DNAAF4: variants seen among roughly 807,000 people sequenced by gnomAD.
DNAAF4 encodes dynein assembly factor 4, axonemal.
Under a neutral mutation model 51.8 loss-of-function variants are expected in DNAAF4, and 43 were observed. The observed-to-expected ratio is 0.83, with a 90% confidence interval of 0.65 to 1.07. DNAAF4 has a LOEUF of 1.07. Among genes scored for constraint, DNAAF4 ranks in the 50% least tolerant of loss-of-function variants. The pLI, the probability that DNAAF4 is intolerant of heterozygous loss-of-function variation, is 0.00. For missense variants in DNAAF4, 581 were observed against 493.0 expected, an observed-to-expected ratio of 1.18 and a Z score of -1.69; for synonymous variants, 194 against 165.6, an observed-to-expected ratio of 1.17 and a Z score of -1.32.
rs1322589012 is a variant in DNAAF4, at chr15:55,473,317, ATG to A, written c.406-6158_406-6157del. On this transcript the variant is annotated intron_variant, in intron 4 of 9. Coordinates refer to ENST00000321149, the MANE Select transcript of DNAAF4 (RefSeq NM_130810.4). ...TATGTGTATATATATGTGTGTATAT[ATG>A]TGTGTATATATATGTGTGTATATAT... 1.4e-4 allele frequency among the ~76,000 whole-genome samples: 19 copies of A among 140,212 alleles called. 1 individual carries two copies. The South Asian group carries it at 1.6e-3, about 12-fold the overall frequency. The allele number at this position is 140,212 out of a possible 152,430, so 92.0% of individuals were successfully genotyped here. A position where few individuals can be genotyped will look rare whatever the true frequency, so the allele number is the denominator to read the frequency against.
At chr15:55,469,474 CTTTTT>C (rs1162485238) in intron 4 of DNAAF4, among the ~76,000 whole-genome samples, 5 of 66,254 alleles carry the variant, frequency 7.5e-5, no homozygotes, top group Non-Finnish European at 1.0e-4. Context: ...CTTACCAATT[CTTTTT>C]TTTTTTTTTT....
chr15:55,495,277 G>C (rs1038597994), intron 3 of DNAAF4: 3 of 149,266 alleles, frequency 2.0e-5, no homozygotes, highest in African/African-American at 4.9e-5. Flanking sequence ...AGTATTCTCT[G>C]AGCTGAATAC....
intron 8 of DNAAF4, among the ~76,000 whole-genome samples, chr15:55,433,892 A>T (rs2057547634): frequency 4.8e-5 from 1 of 20,750 alleles, no homozygotes; most frequent in Non-Finnish European, 9.2e-5. Context: ...TATTATATAT[A>T]TATTATATAT....
At chr15:55,450,757 C>T (rs964360828) in intron 5 of DNAAF4, among the ~76,000 whole-genome samples, 5 of 152,134 alleles carry the variant, frequency 3.3e-5, no homozygotes, top group African/African-American at 1.2e-4. Context: ...CTCCTATATG[C>T]TTTCTTATAA....
chr15:55,451,074 C>T (rs1567012142), intron 5 of DNAAF4, among the ~76,000 whole-genome samples: 1 of 152,104 alleles, frequency 6.6e-6, no homozygotes, highest in African/African-American at 2.4e-5. Flanking sequence ...CCAGCCTGGG[C>T]AACAGAGTGA....
intron 5 of DNAAF4, among the ~76,000 whole-genome samples, chr15:55,452,617 C>A (rs1024891684): frequency 5.9e-5 from 9 of 152,056 alleles, no homozygotes; most frequent in African/African-American, 1.9e-4. Context: ...ACTTTTACTA[C>A]AAAGTTTTAC....
In DNAAF4 at chr15:55,497,764, G is replaced by A; in HGVS notation, c.219C>T (p.Phe73=). The change falls in exon 3 of 10, where the codon TTC becomes TTT. Residue 73 remains phenylalanine, a synonymous_variant. Coordinates refer to ENST00000321149, the MANE Select transcript of DNAAF4 (RefSeq NM_130810.4). The part of the protein sequence containing the change: ...KAKIGNDTIV[F]TLYKKEAAMW... ...TGGCCGCTTCTTTTTTATACAAGGT[G>A]AAGACAATGGTGTCATTCCCAATCT... The A allele has an allele frequency of 6.2e-7, 1 of 1,613,532 alleles. No individual in the cohort carries two copies. Among genetic ancestry groups the A allele is most frequent in the Non-Finnish European group, 8.5e-7 (1 of 1,179,710 alleles).
chr15:55,483,833 CTTTTTTTTTTTTTTTTTTTTTTT>C (rs71105887), intron 4 of DNAAF4, among the ~76,000 whole-genome samples: 2,917 of 82,562 alleles, frequency 0.035, 168 homozygotes, highest in Admixed American at 0.11. Context: ...GCCAATAAAG[CTTTTTTTTTTTTTTTTTTTTTTT>C]TTTTTTTTTT....
chr15:55,498,299 G>A lies in DNAAF4; in HGVS notation c.31C>T (p.Gln11Ter), dbSNP rs1302509857. The A allele has an allele frequency of 1.2e-6, 2 of 1,612,840 alleles. No homozygotes were observed. The highest frequency in any genetic ancestry group is 1.1e-5 in the South Asian group (1 of 90,864). Residue 11 changes from glutamine (Q) to a stop codon, truncating the protein, a stop_gained, in exon 2 of 10, where the codon CAG becomes TAG. Coordinates refer to ENST00000321149, the MANE Select transcript of DNAAF4 (RefSeq NM_130810.4). LOFTEE classifies it high-confidence loss of function. The part of the protein sequence containing the change: MPLQVSDYSW[Q>*]QTKTAVFLSL... Reference sequence around the variant, plus strand: ...AGAAAGACCGCAGTCTTCGTCTGCTGCCAGCTGTAATCGCTAACCTGAAGA... The same window carrying A: ...AGAAAGACCGCAGTCTTCGTCTGCTACCAGCTGTAATCGCTAACCTGAAGA...
intron 7 of DNAAF4, among the ~76,000 whole-genome samples, chr15:55,436,946 G>C (rs565708705): frequency 2.6e-5 from 4 of 151,968 alleles, no homozygotes; most frequent in Non-Finnish European, 5.9e-5. Flanking sequence ...TCAGCCTCCC[G>C]AGTAGCTGGG....
chr15:55,495,955 G>A (rs867378107), intron 3 of DNAAF4, among the ~76,000 whole-genome samples: 9 of 152,098 alleles, frequency 5.9e-5, no homozygotes, highest in Admixed American at 3.3e-4. Flanking sequence ...GGCCGGTCGC[G>A]GTGGCTCATG....
chr15:55,424,313 C>T lies in DNAAF4; in HGVS notation c.1048-6180G>A, dbSNP rs192046543. Among the ~76,000 whole-genome samples, 638 of 152,268 alleles carry T rather than the reference C, an allele frequency of 4.2e-3. 7 individuals are homozygous for T. The highest frequency in any genetic ancestry group is 0.014 in the African/African-American group (593 of 41,570). On this transcript the variant is annotated intron_variant, in intron 7 of 7. Coordinates refer to the DNAAF4 transcript ENST00000448430. ...GGTCTTCACCAGATGCATGTAGTCC[C>T]TTAATCTTGACTGCCCAGCATGCAG...
intron 1 of DNAAF4, among the ~76,000 whole-genome samples, chr15:55,500,090 C>A (rs2058687383): frequency 6.6e-6 from 1 of 151,344 alleles, no homozygotes; most frequent in South Asian, 2.1e-4. Context: ...TTGTGGAAAT[C>A]TGAAAGTATA....
intron 6 of DNAAF4, chr15:55,443,080 G>C: frequency 6.2e-7 from 1 of 1,610,824 alleles, no homozygotes; most frequent in Non-Finnish European, 8.5e-7. Flanking sequence ...AAGAAAATGG[G>C]TTTTAAAGTC....
intron 5 of DNAAF4, among the ~76,000 whole-genome samples, chr15:55,462,152 A>G: frequency 6.6e-6 from 1 of 152,156 alleles, no homozygotes; most frequent in Non-Finnish European, 1.5e-5. Context: ...GTAATTTAAA[A>G]ATGGCCAACT....
chr15:55,453,438 T>C (rs529781244), intron 5 of DNAAF4, among the ~76,000 whole-genome samples: 24 of 151,916 alleles, frequency 1.6e-4, no homozygotes, highest in African/African-American at 2.2e-4. Flanking sequence ...CTGAAAGAGA[T>C]TGATCATTTT....
At chr15:55,437,480 T>A (rs2057632074) in intron 7 of DNAAF4, among the ~76,000 whole-genome samples, 1 of 151,938 alleles carries the variant, frequency 6.6e-6, no homozygotes, top group African/African-American at 2.4e-5. Flanking sequence ...AAAATATAGA[T>A]ATTGTGGTAG....
intron 1 of DNAAF4, among the ~76,000 whole-genome samples, chr15:55,500,829 C>A (rs2058693186): frequency 6.6e-6 from 1 of 151,578 alleles, no homozygotes; most frequent in African/African-American, 2.4e-5. Flanking sequence ...CTCGTTTCTA[C>A]TAAAAATACA....
At chr15:55,473,949 G>A (rs940033799) in intron 4 of DNAAF4, among the ~76,000 whole-genome samples, 4 of 151,970 alleles carry the variant, frequency 2.6e-5, no homozygotes, top group South Asian at 2.1e-4. Flanking sequence ...CCTAGATCAC[G>A]CCACTACACT....
Sources: allele counts gnomAD v4.1 joint callset (sites outside exome capture counted in the v4.1 genomes callset), GRCh38; gene constraint gnomAD v4.1.1; transcripts MANE v1.5; gene names NCBI Gene and HGNC (gene_info 2026-07-23, HGNC 2026-07-21).